The following MVB12B variants were observed in gnomAD, a reference collection of about 807,000 sequenced individuals.
MVB12B encodes the protein ESCRT-I complex subunit MVB12B.
In MVB12B, 16 loss-of-function variants were observed where a neutral mutation model predicts 41.6. The observed-to-expected ratio is 0.38, with a 90% CI of 0.26 to 0.58. MVB12B has a LOEUF of 0.58. MVB12B is among the 20% of genes least tolerant of loss of function. The pLI, the probability that MVB12B is intolerant of heterozygous loss-of-function variation, is 0.62. For missense variants in MVB12B, 274 were observed against 380.2 expected, an observed-to-expected ratio of 0.72 and a Z score of 2.32; for synonymous variants, 133 against 139.7, an observed-to-expected ratio of 0.95 and a Z score of 0.34.
Position 126,499,936 on chromosome 9 carries a change from C to A in MVB12B, c.874-3241C>A, listed in dbSNP as rs566135691. Among the ~76,000 whole-genome samples, 11 of 151,908 alleles carry A rather than the reference C, an allele frequency of 7.2e-5. No homozygotes were observed. The South Asian group carries it at 1.5e-3, about 20-fold the overall frequency. ...AGCCATGCCCTCCCCGTGACCCTGT[C>A]CCCACTCCTGGCCACAGAGACTGGG... On this transcript the variant is annotated intron_variant, in intron 9 of 9. Coordinates refer to ENST00000361171, the MANE Select transcript of MVB12B (RefSeq NM_033446.3).
intron 7 of MVB12B, among the ~76,000 whole-genome samples, chr9:126,466,693 A>G: frequency 6.6e-6 from 1 of 152,198 alleles, no homozygotes; most frequent in East Asian, 1.9e-4. Context: ...AGCACTTTCT[A>G]TGGTGCCCTA....
chr9:126,367,250 G>A lies in MVB12B; in HGVS notation c.205-13814G>A, dbSNP rs1175996632. On this transcript the variant is annotated intron_variant, in intron 2 of 9. Transcript: ENST00000361171. This position sits in a 1 kb window ranked among gnomAD's most constrained non-coding sequence, Gnocchi z 4.3. ...TTCCTGCCCGGGGCTCTCCAGCCAC[G>A]CTCCCCCTCTTGCTCCCTAGGATGG... Among the ~76,000 whole-genome samples, 10 of 151,936 alleles carry A rather than the reference G, an allele frequency of 6.6e-5. No individual in the cohort carries two copies. The highest frequency in any genetic ancestry group is 1.0e-4 in the Non-Finnish European group (7 of 68,006).
intron 7 of MVB12B, among the ~76,000 whole-genome samples, chr9:126,431,745 C>G (rs976240002): frequency 2.0e-5 from 3 of 152,154 alleles, no homozygotes; most frequent in Non-Finnish European, 4.4e-5. Flanking sequence ...GGGTGGGAGC[C>G]CAAACAGCTG....
chr9:126,375,466 C>G (rs1310517032), intron 2 of MVB12B, among the ~76,000 whole-genome samples: 2 of 138,756 alleles, frequency 1.4e-5, no homozygotes, highest in Admixed American at 7.5e-5. Flanking sequence ...TTCTTTCGAA[C>G]GAGAAAGTAC....
Position 126,466,289 on chromosome 9 carries a change from G to A in MVB12B, c.758-15080G>A, listed in dbSNP as rs116886761. Reference sequence around the variant, plus strand: ...CTCCACGTGATCTCTCAGGCTCCAGGAGGCTTCTCTGAGCCTGTGTACTTG... The same window carrying A: ...CTCCACGTGATCTCTCAGGCTCCAGAAGGCTTCTCTGAGCCTGTGTACTTG... On this transcript the variant is annotated intron_variant, in intron 7 of 9. Coordinates refer to ENST00000361171, the MANE Select transcript of MVB12B (RefSeq NM_033446.3). 3.1e-3 allele frequency among the ~76,000 whole-genome samples: 467 copies of A among 152,258 alleles called. 3 individuals carry two copies. Among genetic ancestry groups the A allele is most frequent in the Non-Finnish European group, 4.8e-3 (326 of 68,028 alleles).
chr9:126,419,443 A>G (rs1243770051), intron 6 of MVB12B, among the ~76,000 whole-genome samples: 1 of 152,144 alleles, frequency 6.6e-6, no homozygotes, highest in African/African-American at 2.4e-5. Context: ...CATGTTTTCA[A>G]CACGCACTGG....
chr9:126,409,663 C>T (rs1391074728), intron 6 of MVB12B, among the ~76,000 whole-genome samples: 5 of 152,140 alleles, frequency 3.3e-5, no homozygotes, highest in African/African-American at 1.2e-4. Flanking sequence ...GTCACCAGCA[C>T]CCCTCCAGCA....
chr9:126,343,591 A>G (rs1205031236), intron 2 of MVB12B, among the ~76,000 whole-genome samples: 1 of 152,188 alleles, frequency 6.6e-6, no homozygotes, highest in Non-Finnish European at 1.5e-5. Flanking sequence ...TACACATTTT[A>G]CCTTTCACCC....
intron 9 of MVB12B, among the ~76,000 whole-genome samples, chr9:126,494,474 C>T (rs986883942): frequency 6.6e-6 from 1 of 152,204 alleles, no homozygotes; most frequent in Non-Finnish European, 1.5e-5. Context: ...CCCTGGTTAC[C>T]GCCATGAGTC....
At chr9:126,440,705 T>G (rs1832611800) in intron 7 of MVB12B, among the ~76,000 whole-genome samples, 1 of 152,216 alleles carries the variant, frequency 6.6e-6, no homozygotes, top group Non-Finnish European at 1.5e-5. Context: ...TTTTTTTGTT[T>G]CAATTATTTT....
chr9:126,494,985 A>G (rs1833801533), intron 9 of MVB12B, among the ~76,000 whole-genome samples: 2 of 152,002 alleles, frequency 1.3e-5, no homozygotes, highest in South Asian at 4.1e-4. Context: ...GGAGCCCATG[A>G]GTTTGAGATC....
Position 126,423,753 on chromosome 9 carries a change from C to T in MVB12B, c.757+1805C>T, listed in dbSNP as rs150796871. On this transcript the variant is annotated intron_variant, in intron 7 of 9. Coordinates refer to ENST00000361171, the MANE Select transcript of MVB12B (RefSeq NM_033446.3). Reference sequence around the variant, plus strand: ...CTATGGTACAACTGGGAAGGCTGCCCGCCCACCCACTGGCAGCCTGCCTGC... The same window carrying T: ...CTATGGTACAACTGGGAAGGCTGCCTGCCCACCCACTGGCAGCCTGCCTGC... Among the ~76,000 whole-genome samples, 558 of 152,288 alleles carry T rather than the reference C, an allele frequency of 3.7e-3. 3 individuals are homozygous for T. The highest frequency in any genetic ancestry group is 0.013 in the African/African-American group (531 of 41,546).
intron 7 of MVB12B, among the ~76,000 whole-genome samples, chr9:126,462,788 A>G (rs964855758): frequency 1.1e-4 from 16 of 152,140 alleles, no homozygotes; most frequent in Admixed American, 9.2e-4. Flanking sequence ...GTGGCAGGAG[A>G]TGCCCCTGAC....
At position 126,413,615 on chromosome 9, in the gene MVB12B, G is replaced by C. The variant is rs551730410; in HGVS notation, c.663-8239G>C. Reference sequence around the variant, plus strand: ...GTTTCTCCTAGAGAAGGTGACATGAGTAATCTTCTGTTGTCTTCCTGCACA... The same window carrying C: ...GTTTCTCCTAGAGAAGGTGACATGACTAATCTTCTGTTGTCTTCCTGCACA... On this transcript the variant is annotated intron_variant, in intron 6 of 9. Transcript: ENST00000361171. 2.4e-4 allele frequency among the ~76,000 whole-genome samples: 36 copies of C among 152,288 alleles called. No homozygotes were observed. The South Asian group carries it at 3.5e-3, about 15-fold the overall frequency.
At chr9:126,404,674 C>T (rs1170864246) in intron 6 of MVB12B, among the ~76,000 whole-genome samples, 1 of 149,648 alleles carries the variant, frequency 6.7e-6, no homozygotes, top group Admixed American at 6.6e-5. Context: ...GAACTTTGGC[C>T]GGTGTCCAGC....
intron 9 of MVB12B, among the ~76,000 whole-genome samples, chr9:126,497,132 C>A (rs1468877516): frequency 6.6e-6 from 1 of 152,180 alleles, no homozygotes; most frequent in South Asian, 2.1e-4. Context: ...CCCAGACACA[C>A]AGGCTTCTGC....
chr9:126,380,806 C>T (rs1830615091), intron 2 of MVB12B, among the ~76,000 whole-genome samples: 1 of 152,204 alleles, frequency 6.6e-6, no homozygotes, highest in Admixed American at 6.5e-5. Context: ...ACAAAAGTTG[C>T]TCTTTTCTCA....
chr9:126,336,283 C>T (rs1279512973), intron 1 of MVB12B, among the ~76,000 whole-genome samples: 1 of 152,238 alleles, frequency 6.6e-6, no homozygotes, highest in Non-Finnish European at 1.5e-5. Context: ...TATCAAAGTT[C>T]CCCTGAGTTT....
In MVB12B at chr9:126,459,489, G is replaced by T. The variant is rs1241007941; in HGVS notation, c.758-21880G>T. On this transcript the variant is annotated intron_variant, in intron 7 of 9. Transcript: ENST00000361171. The surrounding 1 kb of genome is among the most constrained non-coding windows in gnomAD (Gnocchi z 4.3). Reference sequence around the variant, plus strand: ...CTTCAGAAAGGCTTCACAGAACTGTGCCTGTGAGACCACGAGACCCTCACC... The same window carrying T: ...CTTCAGAAAGGCTTCACAGAACTGTTCCTGTGAGACCACGAGACCCTCACC... Among the ~76,000 whole-genome samples the T allele has an allele frequency of 6.6e-6, 1 of 152,198 alleles. No homozygotes were observed. Among genetic ancestry groups the T allele is most frequent in the Non-Finnish European group, 1.5e-5 (1 of 68,038 alleles).
Sources: allele counts gnomAD v4.1 joint callset (sites outside exome capture counted in the v4.1 genomes callset), GRCh38; gene constraint gnomAD v4.1.1; non-coding constraint Gnocchi (gnomAD v3.1); transcripts MANE v1.5; gene names NCBI Gene and HGNC (gene_info 2026-07-23, HGNC 2026-07-21).